KSR2: variants seen among roughly 807,000 people sequenced by gnomAD.
The protein encoded by KSR2 is kinase suppressor of ras 2.
Under a neutral mutation model 107.8 loss-of-function variants are expected in KSR2, and 25 were observed. That is an observed-to-expected ratio of 0.23 (90% CI 0.17 to 0.32). The LOEUF (loss-of-function observed/expected upper bound fraction) is 0.32. KSR2 is among the 10% of genes least tolerant of loss of function. The pLI, the probability that KSR2 is intolerant of heterozygous loss-of-function variation, is 1.00. For synonymous variants in KSR2, 480 were observed against 507.0 expected (o/e 0.95, Z 0.71); for missense variants, 887 against 1,268.9 (o/e 0.70, Z 4.57).
chr12:117,652,077 T>C (rs1883926759), intron 5 of KSR2, among the ~76,000 whole-genome samples: 2 of 152,154 alleles, frequency 1.3e-5, no homozygotes, highest in Non-Finnish European at 2.9e-5. Flanking sequence ...CCAAACATTG[T>C]ATGTTCTCAT....
chr12:117,687,324 G>A (rs557877757), intron 4 of KSR2, among the ~76,000 whole-genome samples: 4 of 152,240 alleles, frequency 2.6e-5, no homozygotes, highest in South Asian at 4.1e-4. Context: ...TAATTCAGTC[G>A]TGGCTCTCCT....
At chr12:117,776,284 A>T (rs1290050958) in intron 3 of KSR2, among the ~76,000 whole-genome samples, 1 of 152,140 alleles carries the variant, frequency 6.6e-6, no homozygotes, top group Admixed American at 6.5e-5. Flanking sequence ...GAAGAGAATG[A>T]TTATCATCAT....
intron 4 of KSR2, among the ~76,000 whole-genome samples, chr12:117,742,287 T>C (rs1268350711): frequency 1.3e-5 from 2 of 152,348 alleles, no homozygotes; most frequent in Non-Finnish European, 2.9e-5. Flanking sequence ...AAGGGTGTTA[T>C]TGGGACAACT....
chr12:117,635,789 T>C lies in KSR2; in HGVS notation c.1171+31685A>G, dbSNP rs1883038787. On this transcript the variant is annotated intron_variant, in intron 5 of 19. Transcript: ENST00000339824. ...TCAAAACAAAGAAACCACATTGGTA[T>C]GTTACTTTTTTTTTTTTTTTGAGAC... 1.2e-4 allele frequency among the ~76,000 whole-genome samples: 17 copies of C among 143,538 alleles called. No individual in the cohort carries two copies. In the Admixed American group the frequency reaches 1.2e-3, roughly 10 times the overall value. 94.2% of individuals were successfully genotyped at this position (143,538 alleles called of 152,430 possible). A position where few individuals can be genotyped will look rare whatever the true frequency, so the allele number is the denominator to read the frequency against.
At chr12:117,896,680 G>C (rs111455259) in intron 1 of KSR2, among the ~76,000 whole-genome samples, 1 of 151,968 alleles carries the variant, frequency 6.6e-6, no homozygotes, top group South Asian at 2.1e-4. Context: ...GGCTGCGCTC[G>C]AACTCCTGAC....
At chr12:117,944,876 A>G (rs1323572205) in intron 1 of KSR2, among the ~76,000 whole-genome samples, 1 of 151,838 alleles carries the variant, frequency 6.6e-6, no homozygotes, top group Non-Finnish European at 1.5e-5. Flanking sequence ...AATAAATAAT[A>G]ATAATAATAA....
At chr12:117,936,312 G>A (rs984446037) in intron 1 of KSR2, among the ~76,000 whole-genome samples, 1 of 151,988 alleles carries the variant, frequency 6.6e-6, no homozygotes, top group African/African-American at 2.4e-5. Flanking sequence ...ACAGGCATGA[G>A]CCACCACACC....
At position 117,837,411 on chromosome 12, in the gene KSR2, A is replaced by G. The variant is rs76996607; in HGVS notation, c.472+18017T>C. On this transcript the variant is annotated intron_variant, in intron 3 of 19. Transcript: ENST00000339824. ...CTCCGCTAAAGGAAGCTTATCGGGC[A>G]GCGCCTCCTGGTGGCCAAACATGAC... is the stretch of plus-strand genomic sequence containing the variant. Among the ~76,000 whole-genome samples the G allele has an allele frequency of 5.5e-3, 845 of 152,330 alleles. 33 individuals are homozygous for G. In the East Asian group the frequency reaches 0.099, roughly 18 times the overall value.
Position 117,813,554 on chromosome 12 carries a change from C to A in KSR2, c.472+41874G>T, listed in dbSNP as rs140796027. Among the ~76,000 whole-genome samples, 37 of 152,296 alleles carry A rather than the reference C, an allele frequency of 2.4e-4. No homozygotes were observed. The East Asian group carries it at 6.7e-3, about 28-fold the overall frequency. On this transcript the variant is annotated intron_variant, in intron 3 of 19. Coordinates refer to ENST00000339824, the MANE Select transcript of KSR2 (RefSeq NM_173598.6). ...TGAAGAAATGCTCAGCACCACTAAT[C>A]ATCAGGGAAATACAAATTAAAACCA...
At chr12:117,708,144 T>C (rs1732256555) in intron 4 of KSR2, among the ~76,000 whole-genome samples, 1 of 152,240 alleles carries the variant, frequency 6.6e-6, no homozygotes, top group South Asian at 2.1e-4. Context: ...TTTCATGTGG[T>C]ATGACAGTTT....
At chr12:117,483,706 T>C (rs1309258460) in intron 16 of KSR2, among the ~76,000 whole-genome samples, 1 of 152,202 alleles carries the variant, frequency 6.6e-6, no homozygotes, top group Non-Finnish European at 1.5e-5. Flanking sequence ...GGCTGAGAGT[T>C]AATTACTTAA....
chr12:117,846,292 ATT>A (rs35755364), intron 3 of KSR2, among the ~76,000 whole-genome samples: 7,642 of 127,420 alleles, frequency 0.06, 217 homozygotes, highest in Non-Finnish European at 0.087. Flanking sequence ...TTACCATTTG[ATT>A]TTTTTTTTTT....
At chr12:117,481,078 A>T (rs1313526123) in intron 16 of KSR2, among the ~76,000 whole-genome samples, 1 of 152,124 alleles carries the variant, frequency 6.6e-6, no homozygotes, top group Non-Finnish European at 1.5e-5. Context: ...AAAAGAAAAA[A>T]AAAGAGCAAA....
intron 3 of KSR2, among the ~76,000 whole-genome samples, chr12:117,829,538 T>C (rs1417627463): frequency 2.0e-5 from 3 of 152,216 alleles, no homozygotes; most frequent in African/African-American, 7.2e-5. Flanking sequence ...CCCAAAACAC[T>C]TGATGAATGA....
intron 17 of KSR2, among the ~76,000 whole-genome samples, chr12:117,471,621 C>T (rs933960647): frequency 4.6e-5 from 7 of 151,480 alleles, no homozygotes; most frequent in African/African-American, 1.7e-4. Context: ...ATGAGGGATA[C>T]AAAAATTTAT....
chr12:117,737,151 T>C (rs1357029753), intron 4 of KSR2, among the ~76,000 whole-genome samples: 8 of 152,274 alleles, frequency 5.3e-5, no homozygotes, highest in Non-Finnish European at 8.8e-5. Flanking sequence ...TTCAAACTAT[T>C]TCCCATTTGC....
At chr12:117,928,688 G>A (rs570135155) in intron 1 of KSR2, among the ~76,000 whole-genome samples, 1 of 152,316 alleles carries the variant, frequency 6.6e-6, no homozygotes, top group Admixed American at 6.5e-5. Context: ...ATACCCAGAA[G>A]CAGAATTGCT....
intron 10 of KSR2, among the ~76,000 whole-genome samples, chr12:117,535,604 TTGTGTGTGTGTGTGTG>T (rs5801239): frequency 2.8e-4 from 40 of 142,318 alleles, no homozygotes; most frequent in Admixed American, 4.9e-4. Flanking sequence ...TTTCCTGGAG[TTGTGTGTGTGTGTGTG>T]TGTGTGTGTG....
intron 5 of KSR2, among the ~76,000 whole-genome samples, chr12:117,616,687 G>A (rs1881909249): frequency 6.6e-6 from 1 of 152,196 alleles, no homozygotes; most frequent in African/African-American, 2.4e-5. Flanking sequence ...TACTGAGACT[G>A]TATCACAGCC....
Sources: allele counts gnomAD v4.1 joint callset (sites outside exome capture counted in the v4.1 genomes callset), GRCh38; gene constraint gnomAD v4.1.1; transcripts MANE v1.5; gene names NCBI Gene and HGNC (gene_info 2026-07-23, HGNC 2026-07-21).